Variants in RBFOX3 observed in about 807,000 individuals in gnomAD.
The protein encoded by RBFOX3 is RNA binding protein fox-1 homolog 3.
Under a neutral mutation model 48.7 loss-of-function variants are expected in RBFOX3, and 17 were observed. The observed-to-expected ratio is 0.35, with a 90% CI of 0.24 to 0.52. The LOEUF is 0.52. Among genes scored for constraint, RBFOX3 ranks in the 20% least tolerant of loss-of-function variants. RBFOX3 has a pLI of 0.94. For synonymous variants in RBFOX3, 212 were observed against 209.5 expected (o/e 1.01, Z -0.10); for missense variants, 382 against 497.5 (o/e 0.77, Z 2.21).
chr17:79,295,900 G>C (rs558566377), intron 3 of RBFOX3, among the ~76,000 whole-genome samples: 2 of 152,162 alleles, frequency 1.3e-5, no homozygotes, highest in South Asian at 2.1e-4. Context: ...ATGGGGAAGG[G>C]CGGTTATTTG....
chr17:79,234,522 G>T (rs2061404547), intron 4 of RBFOX3: 1 of 152,108 alleles, frequency 6.6e-6, no homozygotes, highest in Non-Finnish European at 1.5e-5. Flanking sequence ...GAAAAACGCA[G>T]CGCTGGCCTT....
chr17:79,248,820 G>A (rs1181619756), intron 3 of RBFOX3, among the ~76,000 whole-genome samples: 1 of 152,202 alleles, frequency 6.6e-6, no homozygotes, highest in Non-Finnish European at 1.5e-5. Flanking sequence ...GTGTTGCCAC[G>A]CAGAGCCACT....
At position 79,142,093 on chromosome 17, in the gene RBFOX3, A is replaced by G. The variant is rs1018796897; in HGVS notation, c.-33-26345T>C. 7.2e-5 allele frequency among the ~76,000 whole-genome samples: 11 copies of G among 152,224 alleles called. 1 individual carries two copies. In the South Asian group the frequency reaches 2.3e-3, roughly 31 times the overall value. On this transcript the variant is annotated intron_variant, in intron 4 of 14. Coordinates refer to ENST00000693108, the MANE Select transcript of RBFOX3 (RefSeq NM_001350451.2). ...TACGATGCTTTGAAACACCGTCTGG[A>G]TGAAGGGAAATTAAATATCGCAGCT...
intron 3 of RBFOX3, among the ~76,000 whole-genome samples, chr17:79,301,657 C>T (rs180973112): frequency 3.3e-5 from 5 of 152,186 alleles, no homozygotes; most frequent in African/African-American, 4.8e-5. Context: ...CAGACCCACC[C>T]GCAGCAGCAC....
intron 1 of RBFOX3, among the ~76,000 whole-genome samples, chr17:79,522,775 C>A (rs979417639): frequency 2.0e-5 from 3 of 151,790 alleles, no homozygotes; most frequent in Non-Finnish European, 4.4e-5. Context: ...ACTAAAAATA[C>A]AAAAATTAGC....
At chr17:79,631,600 T>G in the RBFOX3 span, among the ~76,000 whole-genome samples, 6 of 152,170 alleles carry the variant, frequency 3.9e-5, no homozygotes, top group Non-Finnish European at 8.8e-5. Flanking sequence ...CCATTTCTCA[T>G]GGTATTGACC....
chr17:79,337,991 C>G (rs4994053), intron 2 of RBFOX3, among the ~76,000 whole-genome samples: 1 of 150,762 alleles, frequency 6.6e-6, no homozygotes, highest in Non-Finnish European at 1.5e-5. Context: ...CAGGTTGGAG[C>G]GCAGTGGCGC....
At chr17:79,156,489 T>C (rs561812651) in intron 4 of RBFOX3, among the ~76,000 whole-genome samples, 11 of 152,270 alleles carry the variant, frequency 7.2e-5, no homozygotes, top group African/African-American at 2.6e-4. Flanking sequence ...GAACTGGGTT[T>C]CCTTGGCTGC....
intron 4 of RBFOX3, among the ~76,000 whole-genome samples, chr17:79,136,920 G>A (rs1210170260): frequency 6.6e-6 from 1 of 152,088 alleles, no homozygotes; most frequent in African/African-American, 2.4e-5. Flanking sequence ...ATTCACACTC[G>A]CTCTAAGAAG....
the RBFOX3 span, among the ~76,000 whole-genome samples, chr17:79,628,098 C>T: frequency 6.6e-6 from 1 of 152,082 alleles, no homozygotes; most frequent in Non-Finnish European, 1.5e-5. Flanking sequence ...CATTTAAAAG[C>T]TCCTACAGGC....
intron 4 of RBFOX3, among the ~76,000 whole-genome samples, chr17:79,142,862 G>C (rs2042184236): frequency 6.6e-6 from 1 of 152,170 alleles, no homozygotes; most frequent in South Asian, 2.1e-4. Context: ...GATGGGGGGA[G>C]AACCAGGCCC....
chr17:79,476,386 G>A (rs2077763642), intron 2 of RBFOX3, among the ~76,000 whole-genome samples: 1 of 152,188 alleles, frequency 6.6e-6, no homozygotes, highest in Admixed American at 6.5e-5. Flanking sequence ...TTTAAAAAAT[G>A]TCACACCAGT....
chr17:79,144,191 G>A (rs1156669853), intron 4 of RBFOX3, among the ~76,000 whole-genome samples: 5 of 152,336 alleles, frequency 3.3e-5, no homozygotes, highest in Non-Finnish European at 5.9e-5. Context: ...TCTGAGCCAG[G>A]CCAGGCCCTC....
intron 2 of RBFOX3, among the ~76,000 whole-genome samples, chr17:79,330,320 G>T (rs1164691157): frequency 1.3e-5 from 2 of 152,114 alleles, no homozygotes; most frequent in African/African-American, 4.8e-5. Context: ...GCCATGCAGG[G>T]GCTTCCCCTC....
intron 2 of RBFOX3, among the ~76,000 whole-genome samples, chr17:79,352,524 G>A (rs1355754372): frequency 6.6e-6 from 1 of 152,182 alleles, no homozygotes; most frequent in Non-Finnish European, 1.5e-5. Context: ...TGCCCTGAGG[G>A]AATGCATGGT....
At chr17:79,246,693 C>A (rs567509841) in intron 3 of RBFOX3, among the ~76,000 whole-genome samples, 10 of 152,292 alleles carry the variant, frequency 6.6e-5, no homozygotes, top group African/African-American at 2.4e-4. Context: ...ATCTCAAGAC[C>A]CATCCGACAT....
chr17:79,112,904 C>CGGCGGGGGGGGGGGGGGG (rs1307784460), intron 5 of RBFOX3, among the ~76,000 whole-genome samples: 18 of 10,338 alleles, frequency 1.7e-3, no homozygotes, highest in Non-Finnish European at 2.6e-3. Flanking sequence ...AGCAGGCTCT[C>CGGCGGGGGGGGGGGGGGG]GGGGGGGGGG....
At chr17:79,442,919 C>T (rs1264879547) in intron 2 of RBFOX3, among the ~76,000 whole-genome samples, 1 of 152,202 alleles carries the variant, frequency 6.6e-6, no homozygotes, top group African/African-American at 2.4e-5. Flanking sequence ...AAGCTCCCCA[C>T]AGCCACAATG....
At chr17:79,096,894 C>T (rs1334485100) in intron 11 of RBFOX3, 61 bp from the exon 12 acceptor site, 12 of 623,630 alleles carry the variant, frequency 1.9e-5, no homozygotes, top group Non-Finnish European at 3.4e-5. Flanking sequence ...CCCACAAACC[C>T]CGGGGCCCAT....
Sources: allele counts gnomAD v4.1 joint callset (sites outside exome capture counted in the v4.1 genomes callset), GRCh38; gene constraint gnomAD v4.1.1; transcripts MANE v1.5; gene names NCBI Gene and HGNC (gene_info 2026-07-23, HGNC 2026-07-21).